PTPRT: variants seen among roughly 807,000 people sequenced by gnomAD.
PTPRT encodes receptor-type tyrosine-protein phosphatase T.
PTPRT carries 56 observed loss-of-function variants against 176.8 expected under a neutral mutation model. The ratio of observed to expected loss-of-function variants is 0.32; its 90% confidence interval spans 0.26 to 0.40. The LOEUF is 0.40. Ranked by LOEUF, PTPRT falls within the 10% of genes least tolerant of loss-of-function variation. The probability of loss-of-function intolerance (pLI) is 1.00; values close to 1 mark genes in which losing one functional copy is unlikely to be tolerated. For synonymous variants in PTPRT, 783 were observed against 739.0 expected (o/e 1.06, Z -0.96); for missense variants, 1,540 against 1,908.2 (o/e 0.81, Z 3.60).
rs778333234 is a variant in PTPRT at position 42,664,473 on chromosome 20, TTTTC to T, written c.1153+13389_1153+13392del. On this transcript the variant is annotated intron_variant, in intron 7 of 30. Transcript: ENST00000373187. ...AGTCTCTCCCAATAAAAGAATGATA[TTTTC>T]TTTATTTTTTTCTAGTTTTGCCTTT... Among the ~76,000 whole-genome samples the T allele has an allele frequency of 8.5e-5, 13 of 152,316 alleles. No homozygotes were observed. The East Asian group carries it at 1.7e-3, about 20-fold the overall frequency.
chr20:43,019,762 C>T (rs1985566482), intron 1 of PTPRT, among the ~76,000 whole-genome samples: 4 of 151,848 alleles, frequency 2.6e-5, no homozygotes, highest in South Asian at 2.1e-4. Flanking sequence ...CAGCTGAGGG[C>T]CCAGATGGAA....
At chr20:42,136,597 G>A (rs889704337) in intron 18 of PTPRT, among the ~76,000 whole-genome samples, 4 of 152,056 alleles carry the variant, frequency 2.6e-5, no homozygotes, top group Non-Finnish European at 5.9e-5. Context: ...ACCTTTGAGG[G>A]GACTGAAGGG....
intron 2 of PTPRT, among the ~76,000 whole-genome samples, chr20:42,871,044 G>A (rs138418801): frequency 0.022 from 3,271 of 151,116 alleles, 126 homozygotes; most frequent in African/African-American, 0.076. Flanking sequence ...TCCACCTCCC[G>A]GGTTCAAGTA....
At chr20:42,837,283 CA>C (rs1177033676) in intron 2 of PTPRT, among the ~76,000 whole-genome samples, 1 of 152,204 alleles carries the variant, frequency 6.6e-6, no homozygotes, top group Non-Finnish European at 1.5e-5. Flanking sequence ...CTGCCTCAGA[CA>C]ACCCACAACC....
At chr20:43,156,685 G>A (rs1210783913) in intron 1 of PTPRT, among the ~76,000 whole-genome samples, 5 of 152,172 alleles carry the variant, frequency 3.3e-5, no homozygotes, top group African/African-American at 9.7e-5. Context: ...ATGGAGGAGG[G>A]AGGATTAAAG....
At position 42,911,553 on chromosome 20, in the gene PTPRT, T is replaced by C. The variant is rs978648563; in HGVS notation, c.89-25621A>G. 2.0e-5 allele frequency among the ~76,000 whole-genome samples: 3 copies of C among 152,318 alleles called. No individual in the cohort carries two copies. In the South Asian group the frequency reaches 6.2e-4, roughly 32 times the overall value. On this transcript the variant is annotated intron_variant, in intron 1 of 30. Transcript: ENST00000373187. ...TGGTGTAGTTAACATCTGGAAAATG[T>C]ATACATTATCTAGGGGCATCCTCCA...
intron 2 of PTPRT, among the ~76,000 whole-genome samples, chr20:42,822,964 T>C (rs2077923700): frequency 6.6e-6 from 1 of 152,094 alleles, no homozygotes. Context: ...ACAACCATTG[T>C]TGAAAACAGT....
intron 21 of PTPRT, among the ~76,000 whole-genome samples, chr20:42,117,862 G>A (rs535086487): frequency 1.4e-4 from 21 of 152,200 alleles, no homozygotes; most frequent in African/African-American, 5.1e-4. Flanking sequence ...ATGCTAAGGG[G>A]AACAATTTGG....
intron 15 of PTPRT, among the ~76,000 whole-genome samples, chr20:42,220,842 C>T (rs940848759): frequency 8.5e-5 from 13 of 152,230 alleles, no homozygotes; most frequent in African/African-American, 2.4e-4. Flanking sequence ...AAACAATGAA[C>T]GTGACCCCAA....
intron 8 of PTPRT, among the ~76,000 whole-genome samples, chr20:42,451,927 T>C (rs2070837188): frequency 6.6e-6 from 1 of 152,034 alleles, no homozygotes; most frequent in African/African-American, 2.4e-5. Context: ...GCCAAAATAA[T>C]GACTCTCTTA....
At chr20:42,385,540 G>A (rs1438175290) in intron 9 of PTPRT, among the ~76,000 whole-genome samples, 1 of 152,174 alleles carries the variant, frequency 6.6e-6, no homozygotes, top group Non-Finnish European at 1.5e-5. Context: ...ATACAAGGCT[G>A]TACTTACATT....
rs1568702672 is a variant in PTPRT at position 42,961,074 on chromosome 20, T to TA, written c.89-75143dup. Among the ~76,000 whole-genome samples, 15 of 151,970 alleles carry TA rather than the reference T, an allele frequency of 9.9e-5. No individual in the cohort carries two copies. The South Asian group carries it at 2.9e-3, about 29-fold the overall frequency. On this transcript the variant is annotated intron_variant, in intron 1 of 30. Coordinates refer to ENST00000373187, the MANE Select transcript of PTPRT (RefSeq NM_007050.6). ...TTTCCATGAAAAACAATTCTTTTTT[T>TA]AAAAAAATGAGATAAACAGATAAAA... is the stretch of plus-strand genomic sequence containing the variant.
intron 2 of PTPRT, among the ~76,000 whole-genome samples, chr20:42,883,800 C>CCCCTT (rs2079054796): frequency 1.3e-4 from 1 of 7,430 alleles, no homozygotes; most frequent in Non-Finnish European, 2.7e-4. Context: ...CATACACACA[C>CCCCTT]AACCCTTACA....
chr20:42,776,460 G>C (rs2077136989), intron 4 of PTPRT, among the ~76,000 whole-genome samples: 1 of 152,126 alleles, frequency 6.6e-6, no homozygotes, highest in Non-Finnish European at 1.5e-5. Context: ...GACACCAAAG[G>C]ATTGTAAGTA....
intron 9 of PTPRT, among the ~76,000 whole-genome samples, chr20:42,406,639 A>T (rs2058963616): frequency 6.6e-6 from 1 of 152,120 alleles, no homozygotes; most frequent in African/African-American, 2.4e-5. Context: ...TTTTCCATTC[A>T]TTTTATATAT....
intron 2 of PTPRT, among the ~76,000 whole-genome samples, chr20:42,806,131 G>T (rs1486259326): frequency 6.6e-6 from 1 of 151,622 alleles, no homozygotes; most frequent in East Asian, 1.9e-4. Context: ...GTGCATCCCT[G>T]GGCAAATTAC....
intron 1 of PTPRT, among the ~76,000 whole-genome samples, chr20:43,080,468 T>C (rs1188879294): frequency 6.6e-6 from 1 of 152,266 alleles, no homozygotes; most frequent in Non-Finnish European, 1.5e-5. Flanking sequence ...CTCTGGGCTT[T>C]TGTCATAATA....
intron 13 of PTPRT, among the ~76,000 whole-genome samples, chr20:42,276,445 G>A (rs1308038999): frequency 7.7e-6 from 1 of 130,522 alleles, no homozygotes; most frequent in East Asian, 2.3e-4. Flanking sequence ...TAGTAGGTCT[G>A]GGTCTCCAAG....
intron 7 of PTPRT, among the ~76,000 whole-genome samples, chr20:42,580,372 G>T (rs961956612): frequency 1.3e-5 from 2 of 151,980 alleles, no homozygotes; most frequent in Non-Finnish European, 2.9e-5. Context: ...GCTTAGGATT[G>T]ACTTGGTGAT....
Sources: allele counts gnomAD v4.1 joint callset (sites outside exome capture counted in the v4.1 genomes callset), GRCh38; gene constraint gnomAD v4.1.1; transcripts MANE v1.5; gene names NCBI Gene and HGNC (gene_info 2026-07-23, HGNC 2026-07-21).